Variants in NAIF1 observed in about 807,000 individuals in gnomAD.
NAIF1 encodes nuclear apoptosis inducing factor 1, also known as nuclear apoptosis-inducing factor 1.
Under a neutral mutation model 20.7 loss-of-function variants are expected in NAIF1, and 14 were observed. The observed-to-expected ratio is 0.67, with a 90% CI of 0.45 to 1.05. The LOEUF (loss-of-function observed/expected upper bound fraction) is 1.05, where lower values mean the gene tolerates loss of function less well. Among genes scored for constraint, NAIF1 ranks in the 50% least tolerant of loss-of-function variants. The probability of loss-of-function intolerance (pLI) is 0.00; values close to 1 mark genes in which losing one functional copy is unlikely to be tolerated. For missense variants in NAIF1, 362 were observed against 448.8 expected, an observed-to-expected ratio of 0.81 and a Z score of 1.75; for synonymous variants, 191 against 191.4, an observed-to-expected ratio of 1.00 and a Z score of 0.02.
rs1832746535 is a variant in NAIF1, at chr9:128,063,788, A to T, written c.624T>A (p.His208Gln). 1.2e-6 allele frequency: 2 copies of T among 1,613,760 alleles called. No individual in the cohort carries two copies. The highest frequency in any genetic ancestry group is 2.7e-5 in the African/African-American group (2 of 74,922). The change falls in exon 2 of 2, where the codon CAT becomes CAA. Residue 208 changes from histidine (H) to glutamine (Q), a missense_variant. This residue lies in a region of NAIF1 where 300 missense variants were observed against 342.7 expected (regional missense o/e 0.88). Coordinates refer to ENST00000373078, the MANE Select transcript of NAIF1 (RefSeq NM_197956.4). This position sits in a 1 kb window ranked among gnomAD's most constrained non-coding sequence, Gnocchi z 4.3. ...CTTGCGGCTTGACCGACGTGTCTGC[A>T]TGCTGGGCCATCATGTCCACAGGGG... is the stretch of plus-strand genomic sequence containing the variant. ...PETPVDMMAQ[H>Q]ADTSVKPQAL...
At chr9:128,064,507 G>C (rs1472727757) in intron 1 of NAIF1, among the ~76,000 whole-genome samples, 1 of 152,198 alleles carries the variant, frequency 6.6e-6, no homozygotes, top group Non-Finnish European at 1.5e-5. Flanking sequence ...GTACTCATTA[G>C]CTCAACAAAT....
rs781147100 is a variant in NAIF1, at chr9:128,063,802, T to G, written c.610A>C (p.Met204Leu). 1 of 1,613,788 alleles carries G rather than the reference T, an allele frequency of 6.2e-7. No homozygotes were observed. Among genetic ancestry groups the G allele is most frequent in the South Asian group, 1.1e-5 (1 of 91,086 alleles). The change falls in exon 2 of 2, where the codon ATG becomes CTG. Residue 204 changes from methionine (M) to leucine (L), a missense_variant. Coordinates refer to ENST00000373078, the MANE Select transcript of NAIF1 (RefSeq NM_197956.4). The surrounding 1 kb of genome is among the most constrained non-coding windows in gnomAD (Gnocchi z 4.3). ...GACGTGTCTGCATGCTGGGCCATCA[T>G]GTCCACAGGGGTCTCTGGTGGCAGA... ...PPLPPETPVD[M>L]MAQHADTSVK...
At chr9:128,064,309 C>T (rs557377942) in intron 1 of NAIF1, among the ~76,000 whole-genome samples, 15 of 151,816 alleles carry the variant, frequency 9.9e-5, no homozygotes, top group African/African-American at 3.6e-4. Context: ...ATCTCCTGAC[C>T]TCGTGATCCG....
At chr9:128,065,323 G>A (rs909655703) in intron 1 of NAIF1, among the ~76,000 whole-genome samples, 22 of 151,880 alleles carry the variant, frequency 1.4e-4, no homozygotes, top group African/African-American at 5.3e-4. Context: ...CACCATATTG[G>A]CCAGGCTTGT....
Position 128,062,800 on chromosome 9 carries a change from G to A in NAIF1, c.*628C>T, listed in dbSNP as rs962007275. The A allele has an allele frequency of 5.8e-5, 9 of 155,412 alleles. No individual in the cohort carries two copies. The highest frequency in any genetic ancestry group is 2.2e-4 in the African/African-American group (9 of 41,564). 9.6% of individuals were successfully genotyped at this position (155,412 alleles called of 1,614,324 possible). A position where few individuals can be genotyped will look rare whatever the true frequency, so the allele number is the denominator to read the frequency against. ...ATACACAGCATTCCTGAGCCAGACT[G>A]GCTGCACACTGCATGTATTACGGAG... is the stretch of plus-strand genomic sequence containing the variant. On this transcript the variant is annotated 3_prime_UTR_variant, in exon 2 of 2. Transcript: ENST00000373078.
rs562576804 is a variant in NAIF1, at chr9:128,067,197, C to A, written c.-96G>T. 3 of 1,444,614 alleles carry A rather than the reference C, an allele frequency of 2.1e-6. No individual in the cohort carries two copies. The East Asian group carries it at 6.9e-5, about 33-fold the overall frequency. 89.5% of individuals were successfully genotyped at this position (1,444,614 alleles called of 1,614,324 possible). ...CCTCAGCCTCGCCCCTCACCCACCC[C>A]CTACAGGGGATAGGCCAGGCTTGCT... On this transcript the variant is annotated 5_prime_UTR_variant, in exon 1 of 2. Transcript: ENST00000373078.
Position 128,067,050 on chromosome 9 carries a change from C to A in NAIF1, c.52G>T (p.Glu18Ter). Residue 18 changes from glutamate to a stop codon, truncating the protein, a stop_gained, in exon 1 of 2, where the codon GAG becomes TAG. Transcript: ENST00000373078. LOFTEE classifies it high-confidence loss of function. ...AGCTCCAGCTCCTCCACGATGATCTCCACCTCCCGCTCTGAGAAGTTCATC... is the reference window on the plus strand; with the variant it reads ...AGCTCCAGCTCCTCCACGATGATCTACACCTCCCGCTCTGAGAAGTTCATC... Reference protein sequence around the residue: ...RKMNFSEREVEIIVEELELKK... With the variant: ...RKMNFSEREV 1 of 1,613,068 alleles carries A rather than the reference C, an allele frequency of 6.2e-7. No individual in the cohort carries two copies. The highest frequency in any genetic ancestry group is 8.5e-7 in the Non-Finnish European group (1 of 1,179,216).
chr9:128,061,426 C>T lies in NAIF1; in HGVS notation c.*2002G>A, dbSNP rs1832716316. ...AGCGACCTTGCTGGGGCCATCAGACCGCACAGAGTGGAGGTGCCCAAGCTG... is the reference window on the plus strand; with the variant it reads ...AGCGACCTTGCTGGGGCCATCAGACTGCACAGAGTGGAGGTGCCCAAGCTG... On this transcript the variant is annotated 3_prime_UTR_variant, in exon 2 of 2. Transcript: ENST00000373078. The T allele has an allele frequency of 6.6e-6, 1 of 152,180 alleles. No homozygotes were observed. Among genetic ancestry groups the T allele is most frequent in the Admixed American group, 6.6e-5 (1 of 15,256 alleles). The allele number at this position is 152,180 out of a possible 1,614,324, so 9.4% of individuals were successfully genotyped here.
In NAIF1 at chr9:128,063,000, C is replaced by T. The variant is rs553132931; in HGVS notation, c.*428G>A. 12 of 189,596 alleles carry T rather than the reference C, an allele frequency of 6.3e-5. No homozygotes were observed. The South Asian group carries it at 1.2e-3, about 19-fold the overall frequency. 11.7% of individuals were successfully genotyped at this position (189,596 alleles called of 1,614,324 possible). On this transcript the variant is annotated 3_prime_UTR_variant, in exon 2 of 2. Transcript: ENST00000373078. ...GAGGAAGATATTATTGCTCAACTGC[C>T]AGCATCAGTGACATTACCCTACTCG...
In NAIF1 at chr9:128,063,955, G is replaced by A; in HGVS notation, c.512-55C>T. On this transcript the variant is annotated intron_variant, in intron 1 of 1. Transcript: ENST00000373078. This position sits in a 1 kb window ranked among gnomAD's most constrained non-coding sequence, Gnocchi z 4.3. ...GAGGTCACTTTCTGGAAGGAATAAA[G>A]CTGGCTGTATGGGGTGGGGAGGAGG... is the stretch of plus-strand genomic sequence containing the variant. 1 of 1,529,836 alleles carries A rather than the reference G, an allele frequency of 6.5e-7. No homozygotes were observed. The highest frequency in any genetic ancestry group is 8.9e-7 in the Non-Finnish European group (1 of 1,128,842). The allele number at this position is 1,529,836 out of a possible 1,614,324, so 94.8% of individuals were successfully genotyped here. A position where few individuals can be genotyped will look rare whatever the true frequency, so the allele number is the denominator to read the frequency against.
At chr9:128,064,982 A>AAAGG (rs1249742821) in intron 1 of NAIF1, among the ~76,000 whole-genome samples, 5 of 151,104 alleles carry the variant, frequency 3.3e-5, no homozygotes, top group Non-Finnish European at 7.4e-5. Context: ...TAAAAGAAAG[A>AAAGG]AAGAAAGAAA....
At chr9:128,066,345 G>A in intron 1 of NAIF1, 1 of 407,616 alleles carries the variant, frequency 2.5e-6, no homozygotes, top group East Asian at 3.6e-5. Flanking sequence ...GGTAAGTCAT[G>A]GACAAACATG....
At chr9:128,066,538 C>T in intron 1 of NAIF1, 53 bp downstream of exon 1, 2 of 1,469,830 alleles carry the variant, frequency 1.4e-6, no homozygotes, top group Non-Finnish European at 1.8e-6. Flanking sequence ...CACCCCAGAG[C>T]TTGCTGGCCC....
In NAIF1 at chr9:128,063,773, G is replaced by A. The variant is rs1832746223; in HGVS notation, c.639C>T (p.Val213=). The A allele has an allele frequency of 6.2e-7, 1 of 1,614,032 alleles. No individual in the cohort carries two copies. Among genetic ancestry groups the A allele is most frequent in the Non-Finnish European group, 8.5e-7 (1 of 1,180,038 alleles). The change falls in exon 2 of 2, where the codon GTC becomes GTT. Residue 213 remains valine (V), a synonymous_variant. Coordinates refer to ENST00000373078, the MANE Select transcript of NAIF1 (RefSeq NM_197956.4). This position sits in a 1 kb window ranked among gnomAD's most constrained non-coding sequence, Gnocchi z 4.3. ...DMMAQHADTS[V]KPQALKSRIA... ...TGCGGCTCTTGAGCGCTTGCGGCTT[G>A]ACCGACGTGTCTGCATGCTGGGCCA...
At position 128,066,670 on chromosome 9, in the gene NAIF1, C is replaced by T. The variant is rs1360409266; in HGVS notation, c.432G>A (p.Leu144=). 3 of 1,599,182 alleles carry T rather than the reference C, an allele frequency of 1.9e-6. No individual in the cohort carries two copies. The highest frequency in any genetic ancestry group is 2.6e-6 in the Non-Finnish European group (3 of 1,172,030). The change falls in exon 1 of 2, where the codon CTG becomes CTA. Residue 144 remains leucine, a synonymous_variant. Coordinates refer to ENST00000373078, the MANE Select transcript of NAIF1 (RefSeq NM_197956.4). The part of the protein sequence containing the change: ...NLLGEATIIS[L]PSTTEIHPVA... Reference sequence around the variant, plus strand: ...CAGGGTGGATCTCTGTGGTGCTGGGCAGGCTGATGATGGTGGCCTCGCCCA... The same window carrying T: ...CAGGGTGGATCTCTGTGGTGCTGGGTAGGCTGATGATGGTGGCCTCGCCCA...
rs1421737216 is a variant in NAIF1 at position 128,063,544 on chromosome 9, G to C, written c.868C>G (p.Arg290Gly). 7 of 1,610,944 alleles carry C rather than the reference G, an allele frequency of 4.3e-6. No homozygotes were observed. Among genetic ancestry groups the C allele is most frequent in the Non-Finnish European group, 5.9e-6 (7 of 1,180,026 alleles). Reference sequence around the variant, plus strand: ...CGGCGGAAATCTTTGATCATAGGCCGGAGGACCTGGATGAGGACGCTCAGG... The same window carrying C: ...CGGCGGAAATCTTTGATCATAGGCCCGAGGACCTGGATGAGGACGCTCAGG... ...AALSVLIQVLRPMIKDFRRYL... is the reference protein window; with the variant it reads ...AALSVLIQVLGPMIKDFRRYL... The change falls in exon 2 of 2, where the codon CGG becomes GGG. Residue 290 changes from arginine to glycine, a missense_variant. This residue lies in a region of NAIF1 where 300 missense variants were observed against 342.7 expected (regional missense o/e 0.88). Coordinates refer to ENST00000373078, the MANE Select transcript of NAIF1 (RefSeq NM_197956.4). This position sits in a 1 kb window ranked among gnomAD's most constrained non-coding sequence, Gnocchi z 4.3.
chr9:128,065,457 G>A (rs1459712904), intron 1 of NAIF1, among the ~76,000 whole-genome samples: 1 of 152,128 alleles, frequency 6.6e-6, no homozygotes, highest in Non-Finnish European at 1.5e-5. Flanking sequence ...CCCCTATGGC[G>A]AAGCAGAAAA....
chr9:128,067,319 A>C lies in NAIF1; in HGVS notation c.-218T>G. 2 of 489,210 alleles carry C rather than the reference A, an allele frequency of 4.1e-6. No homozygotes were observed. Among genetic ancestry groups the C allele is most frequent in the Non-Finnish European group, 7.1e-6 (2 of 281,058 alleles). 30.3% of individuals were successfully genotyped at this position (489,210 alleles called of 1,614,324 possible). A position where few individuals can be genotyped will look rare whatever the true frequency, so the allele number is the denominator to read the frequency against. ...CCGGCCGCTGCCAGCCAGCAGCGTA[A>C]TGGCTTCCTGAATCTGCCTCTTCCG... On this transcript the variant is annotated 5_prime_UTR_variant, in exon 1 of 2. Coordinates refer to ENST00000373078, the MANE Select transcript of NAIF1 (RefSeq NM_197956.4).
rs574398127 is a variant in NAIF1 at position 128,066,756 on chromosome 9, C to T, written c.346G>A (p.Gly116Ser). The T allele has an allele frequency of 1.1e-5, 18 of 1,608,400 alleles. No individual in the cohort carries two copies. The highest frequency in any genetic ancestry group is 1.5e-5 in the Non-Finnish European group (18 of 1,177,238). ...AGCACTGGGGCTACAGCTGGGCCACCGCCACCACTGCCACCGCCTGTCCCA... is the reference window on the plus strand; with the variant it reads ...AGCACTGGGGCTACAGCTGGGCCACTGCCACCACTGCCACCGCCTGTCCCA... ...GPGTGGGSGG[G>S]GPAVAPVLLT... Residue 116 changes from glycine to serine, a missense_variant, in exon 1 of 2, where the codon GGT (glycine) becomes AGT (serine). By Grantham distance (56) the Gly-to-Ser change is moderately conservative. Transcript: ENST00000373078.
Sources: gnomAD v4.1 joint callset for allele counts (sites outside exome capture counted in the v4.1 genomes callset) on GRCh38, gnomAD v4.1.1 for gene constraint, gnomAD v4.1.1 regional missense constraint, Gnocchi (gnomAD v3.1) non-coding constraint, MANE v1.5 for transcripts, NCBI Gene and HGNC (gene_info 2026-07-23, HGNC 2026-07-21) for gene names.